The following ATP6V1C2 variants were observed in gnomAD, a reference collection of about 807,000 sequenced individuals.
ATP6V1C2 encodes V-type proton ATPase subunit C 2.
A neutral mutation model predicts 56.8 loss-of-function variants in ATP6V1C2; 45 were observed. That is an observed-to-expected ratio of 0.79 (90% CI 0.62 to 1.02). The LOEUF (loss-of-function observed/expected upper bound fraction) is 1.02. ATP6V1C2 is among the 50% of genes least tolerant of loss of function. ATP6V1C2 has a pLI of 0.00. For missense variants in ATP6V1C2, 463 were observed against 519.7 expected (o/e 0.89, Z 1.06); for synonymous variants, 220 against 201.3 (o/e 1.09, Z -0.79).
intron 3 of ATP6V1C2, among the ~76,000 whole-genome samples, chr2:10,751,249 C>T (rs868100880): frequency 9.9e-5 from 15 of 152,002 alleles, no homozygotes; most frequent in Non-Finnish European, 2.9e-5. Flanking sequence ...CTTCTGATCT[C>T]CTGCCAAATC....
At chr2:10,764,451 A>G in intron 5 of ATP6V1C2, 26 bp downstream of exon 5, 1 of 1,600,578 alleles carries the variant, frequency 6.2e-7, no homozygotes, top group Non-Finnish European at 8.6e-7. Context: ...GCTCTGGGGA[A>G]CAGCTGACTG....
intron 4 of ATP6V1C2, among the ~76,000 whole-genome samples, chr2:10,757,265 G>A (rs1013369095): frequency 7.2e-5 from 11 of 151,940 alleles, no homozygotes; most frequent in African/African-American, 2.4e-4. Context: ...CGCCAGCCTC[G>A]GCCTCCCAAA....
intron 5 of ATP6V1C2, chr2:10,767,933 T>C (rs1040129087): frequency 9.2e-5 from 14 of 152,180 alleles, no homozygotes; most frequent in African/African-American, 3.4e-4. Flanking sequence ...AAGTTGACAA[T>C]GGATTCTTCC....
rs34670802 is a variant in ATP6V1C2, at chr2:10,780,749, C to CTTTTTT, written c.1062-1485_1062-1480dup. 6.9e-6 allele frequency among the ~76,000 whole-genome samples: 1 copy of CTTTTTT among 144,274 alleles called. No individual in the cohort carries two copies. The allele number at this position is 144,274 out of a possible 152,430, so 94.6% of individuals were successfully genotyped here. A position where few individuals can be genotyped will look rare whatever the true frequency, so the allele number is the denominator to read the frequency against. ...CGATGGGCCAGCCGCTCCTGGGGTC[C>CTTTTTT]TTTTTTTTTTTTTTGAGATGGACTC... On this transcript the variant is annotated intron_variant, in intron 12 of 13. Coordinates refer to ENST00000272238, the MANE Select transcript of ATP6V1C2 (RefSeq NM_001039362.2). The surrounding 1 kb of genome is among the most constrained non-coding windows in gnomAD (Gnocchi z 4.1).
At chr2:10,770,354 C>T (rs1256769976) in intron 6 of ATP6V1C2, among the ~76,000 whole-genome samples, 1 of 152,114 alleles carries the variant, frequency 6.6e-6, no homozygotes, top group Non-Finnish European at 1.5e-5. Context: ...GCCGAGATCA[C>T]GCCACTGCAC....
intron 12 of ATP6V1C2, among the ~76,000 whole-genome samples, chr2:10,779,316 A>G (rs1042582715): frequency 1.4e-5 from 2 of 148,012 alleles, no homozygotes; most frequent in African/African-American, 5.0e-5. Context: ...CATGTTGGTC[A>G]GGATGGTCTT....
At chr2:10,769,741 A>G (rs141907296) in intron 6 of ATP6V1C2, among the ~76,000 whole-genome samples, 132 of 152,210 alleles carry the variant, frequency 8.7e-4, no homozygotes, top group African/African-American at 2.9e-3. Flanking sequence ...GAGAGAGAGA[A>G]GCCAGGTGAG....
At chr2:10,777,437 A>T in intron 10 of ATP6V1C2, 148 bp from the exon 11 acceptor site, 1 of 974,346 alleles carries the variant, frequency 1.0e-6, no homozygotes, top group Non-Finnish European at 1.5e-6. Flanking sequence ...GGCACCTACC[A>T]CATCTCTAGT....
intron 3 of ATP6V1C2, among the ~76,000 whole-genome samples, chr2:10,736,941 G>C (rs1204130843): frequency 6.6e-6 from 1 of 151,546 alleles, no homozygotes; most frequent in Non-Finnish European, 1.5e-5. Flanking sequence ...AGGGACGAGG[G>C]TTTCACTATG....
intron 10 of ATP6V1C2, 23 bp downstream of exon 10, chr2:10,775,094 C>A: frequency 1.3e-6 from 2 of 1,581,126 alleles, no homozygotes; most frequent in South Asian, 1.1e-5. Context: ...TTGAGCAGCT[C>A]CTCCCGCCCC....
At chr2:10,750,084 T>C (rs1411743480) in intron 3 of ATP6V1C2, among the ~76,000 whole-genome samples, 1 of 152,252 alleles carries the variant, frequency 6.6e-6, no homozygotes, top group African/African-American at 2.4e-5. Flanking sequence ...CCATCGTTAA[T>C]GATCACAGCT....
Position 10,724,628 on chromosome 2 carries a change from C to T in ATP6V1C2, c.129+1650C>T, listed in dbSNP as rs117541333. 6.0e-4 allele frequency among the ~76,000 whole-genome samples: 91 copies of T among 151,236 alleles called. 1 individual carries two copies. The East Asian group carries it at 0.014, about 24-fold the overall frequency. On this transcript the variant is annotated intron_variant, in intron 2 of 13. Transcript: ENST00000272238. Reference sequence around the variant, plus strand: ...TAAAATTAAGTTACTTGAGAAGAAGCGACTTGTCTTGGTAGAGATATTCAG... The same window carrying T: ...TAAAATTAAGTTACTTGAGAAGAAGTGACTTGTCTTGGTAGAGATATTCAG...
rs1270365071 is a variant in ATP6V1C2 at position 10,721,669 on chromosome 2, C to T, written c.-89C>T. 6.6e-6 allele frequency: 1 copy of T among 151,452 alleles called. No homozygotes were observed. The highest frequency in any genetic ancestry group is 2.4e-5 in the African/African-American group (1 of 41,352). 9.4% of individuals were successfully genotyped at this position (151,452 alleles called of 1,614,324 possible). Reference sequence around the variant, plus strand: ...CCGGGAGCCGGCAGAGCGCTCCGGCCCCGCACCCGCCGCCCGTCGCCCGCA... The same window carrying T: ...CCGGGAGCCGGCAGAGCGCTCCGGCTCCGCACCCGCCGCCCGTCGCCCGCA... On this transcript the variant is annotated 5_prime_UTR_variant, in exon 1 of 14. Coordinates refer to ENST00000272238, the MANE Select transcript of ATP6V1C2 (RefSeq NM_001039362.2).
chr2:10,766,487 C>T (rs1289551342), intron 5 of ATP6V1C2, among the ~76,000 whole-genome samples: 1 of 152,178 alleles, frequency 6.6e-6, no homozygotes, highest in Non-Finnish European at 1.5e-5. Flanking sequence ...AGCCCTAGTT[C>T]CTATCACTGC....
In ATP6V1C2 at chr2:10,785,050, A is replaced by AAC. The variant is rs762790761; in HGVS notation, c.*1799_*1800dup. ...AGCTCCCTTAGGGAAAAATGACCAA[A>AAC]ACACACACACACATTTACAATGGAC... is the stretch of plus-strand genomic sequence containing the variant. On this transcript the variant is annotated 3_prime_UTR_variant, in exon 14 of 14. Transcript: ENST00000272238. The AAC allele has an allele frequency of 8.2e-6, 12 of 1,460,846 alleles. No homozygotes were observed. The highest frequency in any genetic ancestry group is 1.9e-5 in the Admixed American group (1 of 51,990). The allele number at this position is 1,460,846 out of a possible 1,614,324, so 90.5% of individuals were successfully genotyped here. A position where few individuals can be genotyped will look rare whatever the true frequency, so the allele number is the denominator to read the frequency against.
chr2:10,771,866 T>G lies in ATP6V1C2; in HGVS notation c.498T>G (p.Ser166Arg). 6.2e-7 allele frequency: 1 copy of G among 1,614,032 alleles called. No individual in the cohort carries two copies. The highest frequency in any genetic ancestry group is 8.5e-7 in the Non-Finnish European group (1 of 1,179,960). Residue 166 changes from serine (S) to arginine (R), a missense_variant, in exon 7 of 14, where the codon AGT (serine) becomes AGG (arginine). Transcript: ENST00000272238. ...SMGNLFTRTL[S>R]DIVSKEDFVL... ...GGAACCTCTTCACCCGGACACTGAG[T>G]GATATTGTGAGCAAAGAGGACTTCG...
At chr2:10,776,492 A>T (rs1664997300) in intron 10 of ATP6V1C2, among the ~76,000 whole-genome samples, 1 of 152,168 alleles carries the variant, frequency 6.6e-6, no homozygotes, top group South Asian at 2.1e-4. Context: ...GACACCAGGC[A>T]GGAAAGATTT....
intron 5 of ATP6V1C2, among the ~76,000 whole-genome samples, chr2:10,764,968 C>T (rs1451322863): frequency 7.7e-6 from 1 of 129,100 alleles, no homozygotes; most frequent in Non-Finnish European, 1.7e-5. Context: ...GAGGTTCCGT[C>T]CCCCCACCAA....
chr2:10,754,278 G>C (rs1663392782), intron 4 of ATP6V1C2, among the ~76,000 whole-genome samples: 1 of 152,052 alleles, frequency 6.6e-6, no homozygotes, highest in Admixed American at 6.6e-5. Flanking sequence ...GCCCACGCTG[G>C]AGTGTGGTGC....
Sources: gnomAD v4.1 joint callset for allele counts (sites outside exome capture counted in the v4.1 genomes callset) on GRCh38, gnomAD v4.1.1 for gene constraint, Gnocchi (gnomAD v3.1) non-coding constraint, MANE v1.5 for transcripts, NCBI Gene and HGNC (gene_info 2026-07-23, HGNC 2026-07-21) for gene names.